PCDHGA4: variants seen among roughly 807,000 people sequenced by gnomAD.
PCDHGA4 encodes protocadherin gamma-A4.
Under a neutral mutation model 54.6 loss-of-function variants are expected in PCDHGA4, and 38 were observed. The observed-to-expected ratio is 0.70, with a 90% CI of 0.54 to 0.91. The LOEUF is 0.91. Among genes scored for constraint, PCDHGA4 ranks in the 40% least tolerant of loss-of-function variants. The pLI is 0.00. For synonymous variants in PCDHGA4, 511 were observed against 512.9 expected (o/e 1.00, Z 0.05); for missense variants, 1,298 against 1,220.9 (o/e 1.06, Z -0.94).
At chr5:141,479,312 A>G (rs1218187495) in intron 1 of PCDHGA4, 5 of 152,526 alleles carry the variant, frequency 3.3e-5, no homozygotes, top group African/African-American at 9.6e-5. Context: ...GAAAACATAA[A>G]GTAGCCAGAC....
intron 1 of PCDHGA4, chr5:141,419,588 A>C: frequency 6.2e-7 from 1 of 1,611,830 alleles, no homozygotes; most frequent in Non-Finnish European, 8.5e-7. Flanking sequence ...GCTCTTCGAC[A>C]CAGTGCCGCG....
rs762443906 is a variant in PCDHGA4, at chr5:141,374,173, G to C, written c.2514+16552G>C. The C allele has an allele frequency of 3.1e-6, 5 of 1,613,352 alleles. No homozygotes were observed. The South Asian group carries it at 4.4e-5, about 14-fold the overall frequency. ...CGCTGTGGGGGGCCGCGGCAGCGCA[G>C]ATCCGCTACTCTATTCCCGAGGAGC... On this transcript the variant is annotated intron_variant, in intron 1 of 3. Coordinates refer to ENST00000571252, the MANE Select transcript of PCDHGA4 (RefSeq NM_018917.4).
At chr5:141,400,227 C>T in intron 1 of PCDHGA4, 1 of 1,614,052 alleles carries the variant, frequency 6.2e-7, no homozygotes, top group Middle Eastern at 1.6e-4. Flanking sequence ...TGCTCTTCCT[C>T]CTGGCCGTGA....
chr5:141,396,923 G>A (rs6886638), intron 1 of PCDHGA4, among the ~76,000 whole-genome samples: 45,883 of 152,076 alleles, frequency 0.3, 8,183 homozygotes, highest in African/African-American at 0.5. Context: ...TTAAAAACTC[G>A]GATGAAAGTT....
intron 1 of PCDHGA4, chr5:141,384,091 A>G: frequency 3.1e-6 from 5 of 1,595,856 alleles, no homozygotes; most frequent in South Asian, 1.1e-5. Flanking sequence ...AGAAAAATCA[A>G]TAGATAATTA....
At chr5:141,399,979 C>A (rs1402446986) in intron 1 of PCDHGA4, 5 of 1,612,154 alleles carry the variant, frequency 3.1e-6, no homozygotes, top group Non-Finnish European at 4.2e-6. Context: ...CCTGGGGCTG[C>A]GCACAGGAGA....
intron 1 of PCDHGA4, chr5:141,404,365 C>A: frequency 6.2e-7 from 1 of 1,613,936 alleles, no homozygotes; most frequent in South Asian, 1.1e-5. Context: ...GTACTTCCAT[C>A]TTCTCCGTGA....
In PCDHGA4 at chr5:141,413,998, G is replaced by A; in HGVS notation, c.2514+56377G>A. On this transcript the variant is annotated intron_variant, in intron 1 of 3. Transcript: ENST00000571252. The stretch of plus-strand genomic sequence containing the variant: ...GACAGTCACAGCCACCGACAGGGAC[G>A]AAGGTGCCAATGGAGAAGTGACATA... 1 of 1,613,320 alleles carries A rather than the reference G, an allele frequency of 6.2e-7. No individual in the cohort carries two copies. The highest frequency in any genetic ancestry group is 1.6e-4 in the Middle Eastern group (1 of 6,062).
chr5:141,500,645 A>C (rs2099801792), intron 2 of PCDHGA4, among the ~76,000 whole-genome samples: 1 of 152,228 alleles, frequency 6.6e-6, no homozygotes, highest in African/African-American at 2.4e-5. Flanking sequence ...GTTTTTTAAA[A>C]ATAGCAACTG....
chr5:141,448,803 G>A (rs2098607666), intron 1 of PCDHGA4, among the ~76,000 whole-genome samples: 2 of 152,020 alleles, frequency 1.3e-5, no homozygotes, highest in South Asian at 4.1e-4. Flanking sequence ...AAATTAGCCA[G>A]GCGTGATGGC....
chr5:141,365,327 G>C lies in PCDHGA4; in HGVS notation c.2514+7706G>C, dbSNP rs747026177. The C allele has an allele frequency of 1.1e-5, 17 of 1,613,880 alleles. No individual in the cohort carries two copies. The Admixed American group carries it at 2.8e-4, about 27-fold the overall frequency. On this transcript the variant is annotated intron_variant, in intron 1 of 3. Transcript: ENST00000571252. ...AGGCGCTCTTGTTGCCAGCGCTAAG[G>C]TGGTGGTCACAGTACAGGACGTGAA... is the stretch of plus-strand genomic sequence containing the variant.
chr5:141,472,750 C>T (rs967243815), intron 1 of PCDHGA4, among the ~76,000 whole-genome samples: 3 of 151,882 alleles, frequency 2.0e-5, no homozygotes, highest in Non-Finnish European at 2.9e-5. Context: ...CTTTGGGAGG[C>T]GGAGGCTGGC....
intron 1 of PCDHGA4, among the ~76,000 whole-genome samples, chr5:141,438,591 CATATATATATATATATATAT>C (rs946798767): frequency 2.1e-4 from 16 of 75,572 alleles, no homozygotes; most frequent in Middle Eastern, 0.016. Context: ...TACATACATA[CATATATATATATATATATAT>C]ATATATATAT....
chr5:141,420,076 T>TC, intron 1 of PCDHGA4: 1 of 1,613,956 alleles, frequency 6.2e-7, no homozygotes, highest in Non-Finnish European at 8.5e-7. Context: ...GACCTGTGGG[T>TC]CCCCCCAACT....
At chr5:141,366,193 G>T (rs1192545271) in intron 1 of PCDHGA4, 2 of 1,613,934 alleles carry the variant, frequency 1.2e-6, no homozygotes, top group Admixed American at 3.3e-5. Flanking sequence ...CGGTTGGGCT[G>T]CACACGGGCG....
At chr5:141,466,095 C>T (rs1170423552) in intron 1 of PCDHGA4, among the ~76,000 whole-genome samples, 1 of 152,038 alleles carries the variant, frequency 6.6e-6, no homozygotes, top group African/African-American at 2.4e-5. Flanking sequence ...GCACTCCAGC[C>T]TGGGCAACAG....
intron 3 of PCDHGA4, among the ~76,000 whole-genome samples, chr5:141,506,189 G>A (rs529165145): frequency 3.6e-4 from 55 of 152,262 alleles, no homozygotes; most frequent in African/African-American, 1.1e-3. Flanking sequence ...GGTGGCTCAC[G>A]CCTGTAATCC....
At chr5:141,360,283 C>T (rs749244644) in intron 1 of PCDHGA4, 1 of 1,613,984 alleles carries the variant, frequency 6.2e-7, no homozygotes, top group Non-Finnish European at 8.5e-7. Flanking sequence ...CGTAGGAAAC[C>T]TCGCCAAGGA....
At chr5:141,364,496 C>A in intron 1 of PCDHGA4, 3 of 1,613,998 alleles carry the variant, frequency 1.9e-6, no homozygotes, top group South Asian at 2.2e-5. Flanking sequence ...TGGGCTGGAG[C>A]CCCAGGAGCT....
Sources: allele counts gnomAD v4.1 joint callset (sites outside exome capture counted in the v4.1 genomes callset), GRCh38; gene constraint gnomAD v4.1.1; transcripts MANE v1.5; gene names NCBI Gene and HGNC (gene_info 2026-07-23, HGNC 2026-07-21).